Variants in ZNF438 observed in about 807,000 individuals in gnomAD.
ZNF438 encodes the protein zinc finger protein 438.
Under a neutral mutation model 38.0 loss-of-function variants are expected in ZNF438, and 25 were observed. The observed-to-expected ratio is 0.66, with a 90% CI of 0.48 to 0.92. The LOEUF is 0.92. Ranked by LOEUF, ZNF438 falls within the 40% of genes least tolerant of loss-of-function variation. The pLI, the probability that ZNF438 is intolerant of heterozygous loss-of-function variation, is 0.00. For synonymous variants in ZNF438, 372 were observed against 364.1 expected, an observed-to-expected ratio of 1.02 and a Z score of -0.25; for missense variants, 1,007 against 999.6, an observed-to-expected ratio of 1.01 and a Z score of -0.10.
intron 1 of ZNF438, among the ~76,000 whole-genome samples, chr10:30,944,695 T>C (rs1337149888): frequency 6.6e-6 from 1 of 152,146 alleles, no homozygotes; most frequent in Non-Finnish European, 1.5e-5. Flanking sequence ...GTCATTTTTA[T>C]GCTGTATTTT....
At chr10:30,979,366 C>T (rs974599029) in intron 1 of ZNF438, among the ~76,000 whole-genome samples, 1 of 152,170 alleles carries the variant, frequency 6.6e-6, no homozygotes, top group African/African-American at 2.4e-5. Context: ...CAATGCTATC[C>T]CCATCAAGCT....
At chr10:30,860,875 TG>T (rs1224371320) in intron 4 of ZNF438, among the ~76,000 whole-genome samples, 2 of 152,052 alleles carry the variant, frequency 1.3e-5, no homozygotes, top group Non-Finnish European at 2.9e-5. Context: ...TTCAAGAAAG[TG>T]GGGTAAGTAC....
intron 2 of ZNF438, among the ~76,000 whole-genome samples, chr10:30,939,292 G>A (rs74624168): frequency 0.035 from 5,300 of 152,250 alleles, 302 homozygotes; most frequent in African/African-American, 0.12. Context: ...GCATACTGAC[G>A]TGTTTCTCAC....
intron 1 of ZNF438, among the ~76,000 whole-genome samples, chr10:30,972,312 T>C (rs1348818169): frequency 6.6e-6 from 1 of 152,206 alleles, no homozygotes; most frequent in African/African-American, 2.4e-5. Flanking sequence ...TTTGAAATCA[T>C]TATAACAATT....
At chr10:31,013,651 T>A (rs1222085754) in intron 1 of ZNF438, among the ~76,000 whole-genome samples, 1 of 152,124 alleles carries the variant, frequency 6.6e-6, no homozygotes, top group African/African-American at 2.4e-5. Context: ...AACTTCCCGC[T>A]CAAAGCTAAT....
At chr10:31,004,594 C>T (rs939231603) in intron 1 of ZNF438, among the ~76,000 whole-genome samples, 3 of 152,134 alleles carry the variant, frequency 2.0e-5, no homozygotes, top group Non-Finnish European at 4.4e-5. Flanking sequence ...ATAGACACGT[C>T]GGAAGACTGC....
chr10:30,919,642 GAC>G (rs2044059633), intron 2 of ZNF438: 1 of 151,920 alleles, frequency 6.6e-6, no homozygotes, highest in Non-Finnish European at 1.5e-5. Flanking sequence ...TTTATTTAGA[GAC>G]AGAGTCTCGC....
At chr10:30,847,221 A>G (rs1464113128) in intron 5 of ZNF438, among the ~76,000 whole-genome samples, 1 of 152,118 alleles carries the variant, frequency 6.6e-6, no homozygotes, top group Admixed American at 6.5e-5. Context: ...TGGAGTGGGA[A>G]CTTGTGGTGC....
chr10:31,004,521 A>G (rs911494969), intron 1 of ZNF438, among the ~76,000 whole-genome samples: 23 of 152,252 alleles, frequency 1.5e-4, no homozygotes, highest in African/African-American at 5.1e-4. Context: ...TAACACTGAT[A>G]GGGGGTTAAA....
intron 1 of ZNF438, among the ~76,000 whole-genome samples, chr10:31,030,133 T>C (rs1453387691): frequency 6.6e-6 from 1 of 152,034 alleles, no homozygotes; most frequent in Non-Finnish European, 1.5e-5. Flanking sequence ...AAGTGTTCAT[T>C]GCTATTAATT....
chr10:30,955,494 T>C (rs889954124), intron 1 of ZNF438, among the ~76,000 whole-genome samples: 2 of 152,242 alleles, frequency 1.3e-5, no homozygotes, highest in African/African-American at 4.8e-5. Context: ...AAATTCTCTC[T>C]AGAAGCCGGA....
chr10:30,976,608 G>A (rs1389300038), intron 1 of ZNF438, among the ~76,000 whole-genome samples: 1 of 152,058 alleles, frequency 6.6e-6, no homozygotes, highest in African/African-American at 2.4e-5. Context: ...TTAGCCAGGT[G>A]TAGTGGCACA....
rs576850683 is a variant in ZNF438, at chr10:30,938,196, C to T, written c.-115+3379G>A. Among the ~76,000 whole-genome samples the T allele has an allele frequency of 4.8e-4, 73 of 152,256 alleles. No homozygotes were observed. In the South Asian group the frequency reaches 0.014, roughly 30 times the overall value. ...CCAACATGAATTAACCACTCTGCTC[C>T]GCTCAGTAATGCTTTGTTTGCTTGT... On this transcript the variant is annotated intron_variant, in intron 2 of 5. Coordinates refer to ENST00000413025, the Ensembl canonical transcript of ZNF438.
At chr10:30,897,795 C>T (rs1188864436) in intron 3 of ZNF438, among the ~76,000 whole-genome samples, 1 of 152,186 alleles carries the variant, frequency 6.6e-6, no homozygotes, top group Non-Finnish European at 1.5e-5. Flanking sequence ...CATGTGGGGG[C>T]AGTGCTCTGG....
chr10:30,917,080 C>G (rs1437713375), intron 2 of ZNF438, among the ~76,000 whole-genome samples: 1 of 151,972 alleles, frequency 6.6e-6, no homozygotes, highest in Non-Finnish European at 1.5e-5. Flanking sequence ...CCTTGTAACC[C>G]AAATCATTAC....
intron 3 of ZNF438, among the ~76,000 whole-genome samples, chr10:30,892,796 T>C (rs1281479774): frequency 6.6e-6 from 1 of 152,214 alleles, no homozygotes; most frequent in African/African-American, 2.4e-5. Context: ...CTGAAGCAGA[T>C]TATACATGCT....
intron 1 of ZNF438, among the ~76,000 whole-genome samples, chr10:30,997,273 G>C (rs2054149024): frequency 6.6e-6 from 1 of 152,150 alleles, no homozygotes; most frequent in Non-Finnish European, 1.5e-5. Context: ...GAATCAGGTG[G>C]TTATTGCTGT....
chr10:30,955,210 A>G (rs1589409072), intron 1 of ZNF438, among the ~76,000 whole-genome samples: 1 of 152,224 alleles, frequency 6.6e-6, no homozygotes, highest in African/African-American at 2.4e-5. Context: ...GAGTTGGAAA[A>G]TAATTTTGGG....
intron 2 of ZNF438, among the ~76,000 whole-genome samples, chr10:30,915,381 A>T (rs1201525727): frequency 6.6e-6 from 1 of 152,054 alleles, no homozygotes; most frequent in Non-Finnish European, 1.5e-5. Context: ...AAGGCTTTGG[A>T]ATTGCAATTG....
Sources: allele counts gnomAD v4.1 joint callset (sites outside exome capture counted in the v4.1 genomes callset), GRCh38; gene constraint gnomAD v4.1.1; transcripts MANE v1.5; gene names NCBI Gene and HGNC (gene_info 2026-07-23, HGNC 2026-07-21).